Variants in TOX observed in about 807,000 individuals in gnomAD.
TOX encodes thymocyte selection-associated high mobility group box protein TOX.
In TOX, 11 loss-of-function variants were observed where a neutral mutation model predicts 53.7. That is an observed-to-expected ratio of 0.20 (90% CI 0.13 to 0.34). The LOEUF is 0.34. Ranked by LOEUF, TOX falls within the 10% of genes least tolerant of loss-of-function variation. The pLI, the probability that TOX is intolerant of heterozygous loss-of-function variation, is 1.00. For synonymous variants in TOX, 225 were observed against 245.3 expected (o/e 0.92, Z 0.77); for missense variants, 570 against 664.6 (o/e 0.86, Z 1.56).
At chr8:59,116,401 A>G (rs1052239735) in intron 1 of TOX, among the ~76,000 whole-genome samples, 1 of 152,198 alleles carries the variant, frequency 6.6e-6, no homozygotes, top group Non-Finnish European at 1.5e-5. Context: ...ACCTTTTCCA[A>G]ACTTCTGTCC....
intron 1 of TOX, among the ~76,000 whole-genome samples, chr8:59,079,155 T>C (rs1285399190): frequency 6.6e-6 from 1 of 152,114 alleles, no homozygotes; most frequent in Non-Finnish European, 1.5e-5. Flanking sequence ...GAACTTATAT[T>C]TAAAAGGAAA....
At position 59,023,476 on chromosome 8, in the gene TOX, G is replaced by A. The variant is rs143951570; in HGVS notation, c.103-63468C>T. 9.1e-4 allele frequency among the ~76,000 whole-genome samples: 138 copies of A among 152,186 alleles called. No individual in the cohort carries two copies. The South Asian group carries it at 9.1e-3, about 10-fold the overall frequency. Reference sequence around the variant, plus strand: ...CTCTGAGAAGTTAAGTCATCTGCTCGAAATCCCACCACCACTTAGTAACAC... The same window carrying A: ...CTCTGAGAAGTTAAGTCATCTGCTCAAAATCCCACCACCACTTAGTAACAC... On this transcript the variant is annotated intron_variant, in intron 1 of 8. Transcript: ENST00000361421.
intron 1 of TOX, among the ~76,000 whole-genome samples, chr8:59,099,241 T>C (rs1804764356): frequency 6.6e-6 from 1 of 152,218 alleles, no homozygotes; most frequent in Admixed American, 6.5e-5. Flanking sequence ...CCCCTCTTTT[T>C]AGAGAAGAGA....
chr8:58,997,398 G>C (rs1430469791), intron 1 of TOX, among the ~76,000 whole-genome samples: 5 of 152,214 alleles, frequency 3.3e-5, no homozygotes, highest in Non-Finnish European at 7.3e-5. Flanking sequence ...CTTGCGTCTA[G>C]GAACTGCACA....
intron 1 of TOX, among the ~76,000 whole-genome samples, chr8:59,088,451 T>C (rs1446176304): frequency 6.6e-6 from 1 of 152,202 alleles, no homozygotes; most frequent in African/African-American, 2.4e-5. Context: ...CTGGATAACT[T>C]AGGCCAAAAA....
At chr8:58,838,396 A>T (rs1810583971) in intron 4 of TOX, 85 bp from the exon 5 acceptor site, 3 of 1,036,302 alleles carry the variant, frequency 2.9e-6, no homozygotes, top group Non-Finnish European at 4.3e-6. Flanking sequence ...TGAGACTTAG[A>T]CACATACCCA....
intron 1 of TOX, among the ~76,000 whole-genome samples, chr8:59,089,447 A>G (rs1386809770): frequency 2.6e-5 from 4 of 152,186 alleles, no homozygotes; most frequent in Admixed American, 6.5e-5. Context: ...CAAGTCCCTC[A>G]TACAGCCACT....
chr8:58,985,716 T>G (rs1482929763), intron 1 of TOX, among the ~76,000 whole-genome samples: 1 of 152,250 alleles, frequency 6.6e-6, no homozygotes, highest in Non-Finnish European at 1.5e-5. Flanking sequence ...AAGGCAGGAC[T>G]GGTATACATT....
At chr8:59,025,213 T>C (rs1267853463) in intron 1 of TOX, among the ~76,000 whole-genome samples, 1 of 152,156 alleles carries the variant, frequency 6.6e-6, no homozygotes, top group Admixed American at 6.5e-5. Context: ...TAAAGGTCCC[T>C]CTCAGGATGA....
intron 1 of TOX, among the ~76,000 whole-genome samples, chr8:59,113,101 C>T (rs1805046837): frequency 6.6e-6 from 1 of 152,182 alleles, no homozygotes; most frequent in Non-Finnish European, 1.5e-5. Flanking sequence ...TATGTATATT[C>T]TGATGAGAAT....
intron 1 of TOX, among the ~76,000 whole-genome samples, chr8:59,094,018 T>C (rs1483108666): frequency 1.3e-5 from 2 of 152,188 alleles, no homozygotes. Flanking sequence ...CTTTCAATTA[T>C]TATTTACTGA....
At chr8:58,999,995 G>A (rs182269731) in intron 1 of TOX, among the ~76,000 whole-genome samples, 1 of 152,058 alleles carries the variant, frequency 6.6e-6, no homozygotes, top group Non-Finnish European at 1.5e-5. Flanking sequence ...AAATCAAGAC[G>A]GGAGGACCAA....
chr8:59,090,236 C>T (rs942200796), intron 1 of TOX, among the ~76,000 whole-genome samples: 1 of 152,170 alleles, frequency 6.6e-6, no homozygotes, highest in Admixed American at 6.5e-5. Context: ...AAAAATTTCA[C>T]AAGACATACA....
At chr8:59,087,216 G>C (rs1417108682) in intron 1 of TOX, among the ~76,000 whole-genome samples, 9 of 152,068 alleles carry the variant, frequency 5.9e-5, no homozygotes, top group Admixed American at 5.9e-4. Context: ...AACATACTTT[G>C]TGAAGCATGG....
At chr8:59,070,506 AACAC>A (rs371344375) in intron 1 of TOX, among the ~76,000 whole-genome samples, 22,137 of 140,058 alleles carry the variant, frequency 0.16, 2,029 homozygotes, top group African/African-American at 0.25. Flanking sequence ...TGTCAAGGAA[AACAC>A]ACACACACAC....
At chr8:58,913,537 T>A (rs1317030163) in intron 3 of TOX, among the ~76,000 whole-genome samples, 1 of 152,186 alleles carries the variant, frequency 6.6e-6, no homozygotes, top group African/African-American at 2.4e-5. Flanking sequence ...TTTTCTCTTT[T>A]CCTTTTCTTC....
chr8:59,032,218 G>C (rs1265493117), intron 1 of TOX, among the ~76,000 whole-genome samples: 1 of 151,820 alleles, frequency 6.6e-6, no homozygotes, highest in Non-Finnish European at 1.5e-5. Flanking sequence ...TAAGTAACTA[G>C]GATGGAAATA....
chr8:58,825,145 C>T (rs567372964), intron 6 of TOX, among the ~76,000 whole-genome samples: 1 of 152,180 alleles, frequency 6.6e-6, no homozygotes, highest in East Asian at 1.9e-4. Context: ...CTGATGATGT[C>T]TAGAAAGTTA....
At chr8:59,092,833 C>G (rs1804648908) in intron 1 of TOX, among the ~76,000 whole-genome samples, 1 of 152,158 alleles carries the variant, frequency 6.6e-6, no homozygotes, top group Admixed American at 6.5e-5. Flanking sequence ...TTGTGCGTCT[C>G]TCTTTCTAGA....
Sources: allele counts gnomAD v4.1 joint callset (sites outside exome capture counted in the v4.1 genomes callset), GRCh38; gene constraint gnomAD v4.1.1; transcripts MANE v1.5; gene names NCBI Gene and HGNC (gene_info 2026-07-23, HGNC 2026-07-21).